SYN3: variants seen among roughly 807,000 people sequenced by gnomAD.
SYN3 encodes synapsin-3.
A neutral mutation model predicts 65.8 loss-of-function variants in SYN3; 35 were observed. The observed-to-expected ratio is 0.53, with a 90% CI of 0.41 to 0.70. SYN3 has a LOEUF of 0.70. Among genes scored for constraint, SYN3 ranks in the 30% least tolerant of loss-of-function variants. The probability of loss-of-function intolerance (pLI) is 0.00; values close to 1 mark genes in which losing one functional copy is unlikely to be tolerated. For synonymous variants in SYN3, 270 were observed against 292.9 expected (o/e 0.92, Z 0.80); for missense variants, 680 against 749.0 (o/e 0.91, Z 1.08).
In SYN3 at chr22:32,610,660, G is replaced by A. The variant is rs1156618798; in HGVS notation, c.712-13924C>T. ...TGCAATCACGCAATCTTGGCTCACC[G>A]CAACCTCCCCCTCCAGATGTCAAGC... On this transcript the variant is annotated intron_variant, in intron 6 of 13. Transcript: ENST00000358763. 6.6e-5 allele frequency among the ~76,000 whole-genome samples: 10 copies of A among 152,184 alleles called. 1 individual carries two copies. The highest frequency in any genetic ancestry group is 1.9e-4 in the East Asian group (1 of 5,144).
At chr22:32,534,523 GC>G in intron 9 of SYN3, among the ~76,000 whole-genome samples, 1 of 152,216 alleles carries the variant, frequency 6.6e-6, no homozygotes, top group South Asian at 2.1e-4. Flanking sequence ...TCCCTTTCCA[GC>G]CACTTGATGT....
At chr22:32,749,186 C>G (rs2045032626) in intron 6 of SYN3, among the ~76,000 whole-genome samples, 2 of 152,080 alleles carry the variant, frequency 1.3e-5, no homozygotes, top group South Asian at 4.1e-4. Context: ...TGTCTGCTCA[C>G]TGTGTCCTCG....
At chr22:32,537,566 C>T (rs1220848865) in intron 9 of SYN3, among the ~76,000 whole-genome samples, 3 of 152,114 alleles carry the variant, frequency 2.0e-5, no homozygotes, top group African/African-American at 7.2e-5. Context: ...GGGACGTCAA[C>T]CTTTCCCTAT....
At chr22:32,960,211 G>A (rs1017979949) in intron 3 of SYN3, among the ~76,000 whole-genome samples, 9 of 152,110 alleles carry the variant, frequency 5.9e-5, no homozygotes, top group African/African-American at 1.2e-4. Flanking sequence ...CCTGGAGCAC[G>A]CCCTCTGAAT....
At chr22:32,987,048 G>A (rs2052549026) in intron 2 of SYN3, among the ~76,000 whole-genome samples, 1 of 152,114 alleles carries the variant, frequency 6.6e-6, no homozygotes, top group Non-Finnish European at 1.5e-5. Flanking sequence ...AACAGGATCT[G>A]TGTTCAAACA....
chr22:32,805,443 TAGAA>T (rs1388003541), intron 6 of SYN3, among the ~76,000 whole-genome samples: 2 of 151,880 alleles, frequency 1.3e-5, no homozygotes, highest in African/African-American at 2.4e-5. Flanking sequence ...TTAAGGAAAA[TAGAA>T]AGAATCAGAC....
At position 32,692,155 on chromosome 22, in the gene SYN3, C is replaced by CAAAAAAAAAAAAAAAAAAAA. The variant is rs1188224009; in HGVS notation, c.712-95439_712-95420dup. 7.0e-4 allele frequency among the ~76,000 whole-genome samples: 24 copies of CAAAAAAAAAAAAAAAAAAAA among 34,486 alleles called. 1 individual carries two copies. Among genetic ancestry groups the CAAAAAAAAAAAAAAAAAAAA allele is most frequent in the Middle Eastern group, 0.026 (1 of 38 alleles). 22.6% of individuals were successfully genotyped at this position (34,486 alleles called of 152,430 possible). On this transcript the variant is annotated intron_variant, in intron 6 of 13. Coordinates refer to ENST00000358763, the MANE Select transcript of SYN3 (RefSeq NM_003490.4). ...ATACAAAAAAGAAAAGACAAAAAGA[C>CAAAAAAAAAAAAAAAAAAAA]AAAAAAAAAAAAAAAAAAAAACAGG... is the stretch of plus-strand genomic sequence containing the variant.
intron 6 of SYN3, among the ~76,000 whole-genome samples, chr22:32,621,283 C>T (rs1462330314): frequency 6.9e-6 from 1 of 145,926 alleles, no homozygotes; most frequent in Non-Finnish European, 1.5e-5. Context: ...AAAGCTGGTC[C>T]TGGTAACTTT....
At chr22:32,564,983 T>C (rs1259010080) in intron 7 of SYN3, among the ~76,000 whole-genome samples, 1 of 132,146 alleles carries the variant, frequency 7.6e-6, no homozygotes, top group Non-Finnish European at 1.6e-5. Flanking sequence ...GCTCCTGGAC[T>C]GCACCCAAAC....
chr22:32,622,149 G>A (rs928571801), intron 6 of SYN3, among the ~76,000 whole-genome samples: 1 of 151,844 alleles, frequency 6.6e-6, no homozygotes, highest in African/African-American at 2.4e-5. Context: ...AATAGCTTTC[G>A]AAAACCAGCC....
chr22:32,739,662 C>T (rs1344772800), intron 6 of SYN3, among the ~76,000 whole-genome samples: 1 of 152,228 alleles, frequency 6.6e-6, no homozygotes, highest in Non-Finnish European at 1.5e-5. Context: ...CCCACCTCCA[C>T]CTCTACCCCA....
intron 1 of SYN3, among the ~76,000 whole-genome samples, chr22:33,015,640 C>T (rs1043895969): frequency 6.6e-6 from 1 of 152,140 alleles, no homozygotes. Context: ...GATTTATCAG[C>T]AACTTTATGC....
At chr22:32,662,461 A>G (rs921394597) in intron 6 of SYN3, among the ~76,000 whole-genome samples, 60 of 152,150 alleles carry the variant, frequency 3.9e-4, no homozygotes, top group Admixed American at 4.6e-4. Context: ...TGATTTTATT[A>G]CCAAGTAACT....
chr22:32,782,123 C>A (rs1366970023), intron 6 of SYN3, among the ~76,000 whole-genome samples: 3 of 151,400 alleles, frequency 2.0e-5, no homozygotes, highest in Non-Finnish European at 2.9e-5. Flanking sequence ...GGCTGGAGTG[C>A]AATGGCATGA....
chr22:32,785,497 G>C (rs898178228), intron 6 of SYN3, among the ~76,000 whole-genome samples: 3 of 152,198 alleles, frequency 2.0e-5, no homozygotes, highest in Non-Finnish European at 4.4e-5. Flanking sequence ...CTGGCTCCCA[G>C]CAAGTGGGAG....
intron 6 of SYN3, among the ~76,000 whole-genome samples, chr22:32,612,071 C>A (rs923254460): frequency 3.3e-5 from 5 of 152,154 alleles, no homozygotes; most frequent in African/African-American, 1.2e-4. Flanking sequence ...TGCCCCAACT[C>A]CATGGTGATA....
chr22:32,509,314 C>T lies in SYN3; in HGVS notation c.*4378G>A, dbSNP rs188471609. Among the ~76,000 whole-genome samples, 18 of 152,286 alleles carry T rather than the reference C, an allele frequency of 1.2e-4. No individual in the cohort carries two copies. Among genetic ancestry groups the T allele is most frequent in the Middle Eastern group, 6.8e-3 (2 of 294 alleles). On this transcript the variant is annotated 3_prime_UTR_variant, in exon 14 of 14. Coordinates refer to ENST00000358763, the MANE Select transcript of SYN3 (RefSeq NM_003490.4). Reference sequence around the variant, plus strand: ...CAGCTTGGAGGGAAAATGCTAGCCTCTCTCTGGCTCAAAGTTGTGAAACAA... The same window carrying T: ...CAGCTTGGAGGGAAAATGCTAGCCTTTCTCTGGCTCAAAGTTGTGAAACAA...
chr22:32,530,490 T>C (rs1601573701), intron 10 of SYN3, among the ~76,000 whole-genome samples: 1 of 152,142 alleles, frequency 6.6e-6, no homozygotes, highest in East Asian at 1.9e-4. Context: ...GGGTAGGAAC[T>C]GAGAAGAGGG....
At chr22:32,812,718 CAT>C (rs1326226361) in intron 6 of SYN3, among the ~76,000 whole-genome samples, 3 of 152,322 alleles carry the variant, frequency 2.0e-5, no homozygotes, top group Middle Eastern at 3.4e-3. Context: ...CAGATGAACA[CAT>C]GTGTGATCTG....
Sources: gnomAD v4.1 joint callset for allele counts (sites outside exome capture counted in the v4.1 genomes callset) on GRCh38, gnomAD v4.1.1 for gene constraint, MANE v1.5 for transcripts, NCBI Gene and HGNC (gene_info 2026-07-23, HGNC 2026-07-21) for gene names.